SLC25A46: variants seen among roughly 807,000 people sequenced by gnomAD.
SLC25A46 encodes the protein mitochondrial outer membrane protein SLC25A46.
A neutral mutation model predicts 44.6 loss-of-function variants in SLC25A46; 39 were observed. That is an observed-to-expected ratio of 0.87 (90% CI 0.68 to 1.14). The LOEUF is 1.14. Ranked by LOEUF, SLC25A46 falls within the 50% of genes most tolerant of loss-of-function variation. SLC25A46 has a pLI of 0.00. For missense variants in SLC25A46, 547 were observed against 522.7 expected (o/e 1.05, Z -0.45); for synonymous variants, 202 against 185.8 (o/e 1.09, Z -0.71).
intron 4 of SLC25A46, among the ~76,000 whole-genome samples, chr5:110,747,416 A>G (rs1253594488): frequency 6.6e-6 from 1 of 152,196 alleles, no homozygotes; most frequent in African/African-American, 2.4e-5. Context: ...ATACTTGTAT[A>G]TGCATGGATT....
At chr5:110,747,284 A>T (rs528602196) in intron 4 of SLC25A46, among the ~76,000 whole-genome samples, 64 of 152,308 alleles carry the variant, frequency 4.2e-4, no homozygotes, top group African/African-American at 1.5e-3. Context: ...TTTAAAAATA[A>T]GAGGGTAGCT....
intron 2 of SLC25A46, 90 bp downstream of exon 2, chr5:110,742,179 T>C (rs2150408106): frequency 2.3e-6 from 2 of 875,178 alleles, no homozygotes; most frequent in Non-Finnish European, 3.4e-6. Flanking sequence ...TATTATTGCT[T>C]CCTTTAGGTT....
chr5:110,744,038 A>G (rs184073108), intron 3 of SLC25A46, among the ~76,000 whole-genome samples: 117 of 152,328 alleles, frequency 7.7e-4, no homozygotes, highest in African/African-American at 2.8e-3. Flanking sequence ...ATGCATCTAT[A>G]TAATTCATTA....
chr5:110,761,539 G>A lies in SLC25A46; in HGVS notation c.1014G>A (p.Leu338=). Residue 338 remains leucine, a synonymous_variant, in exon 8 of 8, where the codon TTG becomes TTA. Coordinates refer to ENST00000355943, the MANE Select transcript of SLC25A46 (RefSeq NM_138773.4). The surrounding 1 kb of genome is among the most constrained non-coding windows in gnomAD (Gnocchi z 5.3). ...TACTTTACCCATTGGAAACAGTTTT[G>A]CACCGCCTTCACATTCAAGGAACAC... The part of the protein sequence containing the change: ...DVILYPLETV[L]HRLHIQGTRT... 6.2e-7 allele frequency: 1 copy of A among 1,613,794 alleles called. No homozygotes were observed. Among genetic ancestry groups the A allele is most frequent in the Non-Finnish European group, 8.5e-7 (1 of 1,179,816 alleles).
rs1308099959 is a variant in SLC25A46, at chr5:110,763,138, A to G, written c.*1356A>G. The G allele has an allele frequency of 6.6e-6, 1 of 151,964 alleles. No homozygotes were observed. The highest frequency in any genetic ancestry group is 6.6e-5 in the Admixed American group (1 of 15,204). The allele number at this position is 151,964 out of a possible 1,614,324, so 9.4% of individuals were successfully genotyped here. On this transcript the variant is annotated 3_prime_UTR_variant, in exon 8 of 8. Coordinates refer to ENST00000355943, the MANE Select transcript of SLC25A46 (RefSeq NM_138773.4). ...TAGTAAAATGATATGTGTCTGCTCT[A>G]TCATTAGACATTTTAAAGTTTCATG... is the stretch of plus-strand genomic sequence containing the variant.
chr5:110,758,717 G>C (rs1016843101), intron 7 of SLC25A46, among the ~76,000 whole-genome samples: 2 of 151,936 alleles, frequency 1.3e-5, no homozygotes, highest in Non-Finnish European at 2.9e-5. Context: ...GGGAGGCAGA[G>C]GTTGCAGTGA....
In SLC25A46 at chr5:110,746,357, T is replaced by C. The variant is rs1799819656; in HGVS notation, c.462+11T>C. 3 of 1,557,946 alleles carry C rather than the reference T, an allele frequency of 1.9e-6. No individual in the cohort carries two copies. The highest frequency in any genetic ancestry group is 2.6e-6 in the Non-Finnish European group (3 of 1,150,832). ...TTCAACAAAACTCAGGTGAGAATTT[T>C]GTCTGGATTCTATTAAAGGTTTATA... On this transcript the variant is annotated intron_variant, in intron 4 of 7. Transcript: ENST00000355943.
chr5:110,748,954 CA>C (rs1799886927), intron 5 of SLC25A46, among the ~76,000 whole-genome samples: 1 of 151,856 alleles, frequency 6.6e-6, no homozygotes, highest in Admixed American at 6.6e-5. Context: ...AAGATATATT[CA>C]AATGGCAGTA....
At chr5:110,759,537 CAT>C (rs764853338) in intron 7 of SLC25A46, among the ~76,000 whole-genome samples, 3 of 152,092 alleles carry the variant, frequency 2.0e-5, no homozygotes, top group Non-Finnish European at 4.4e-5. Flanking sequence ...GGGACTGTGT[CAT>C]GTGTGTTGTA....
intron 2 of SLC25A46, among the ~76,000 whole-genome samples, chr5:110,742,579 T>C (rs2150408322): frequency 6.6e-6 from 1 of 152,242 alleles, no homozygotes; most frequent in Non-Finnish European, 1.5e-5. Flanking sequence ...CCGTAGATAT[T>C]AATATTGTGT....
intron 4 of SLC25A46, among the ~76,000 whole-genome samples, chr5:110,747,720 G>C (rs893249227): frequency 3.9e-5 from 6 of 152,032 alleles, no homozygotes; most frequent in African/African-American, 1.4e-4. Flanking sequence ...TGATTAGATA[G>C]GAAGAGTGAG....
chr5:110,746,620 A>C (rs1001464192), intron 4 of SLC25A46, among the ~76,000 whole-genome samples: 1 of 152,218 alleles, frequency 6.6e-6, no homozygotes, highest in African/African-American at 2.4e-5. Flanking sequence ...AAATCTTTGA[A>C]GATTGTGCTG....
chr5:110,753,465 G>A (rs1355796200), intron 5 of SLC25A46: 1 of 151,952 alleles, frequency 6.6e-6, no homozygotes, highest in Non-Finnish European at 1.5e-5. Flanking sequence ...TTTGAGAAAA[G>A]CAAGGTACTC....
intron 5 of SLC25A46, chr5:110,754,480 G>A (rs1438242914): frequency 7.4e-6 from 1 of 135,380 alleles, no homozygotes; most frequent in Admixed American, 7.4e-5. Flanking sequence ...TTTCACCTTT[G>A]GTTCTATTTC....
In SLC25A46 at chr5:110,763,145, G is replaced by A. The variant is rs1211315819; in HGVS notation, c.*1363G>A. 6.6e-6 allele frequency: 1 copy of A among 151,882 alleles called. No individual in the cohort carries two copies. The highest frequency in any genetic ancestry group is 2.4e-5 in the African/African-American group (1 of 41,382). 9.4% of individuals were successfully genotyped at this position (151,882 alleles called of 1,614,324 possible). A position where few individuals can be genotyped will look rare whatever the true frequency, so the allele number is the denominator to read the frequency against. On this transcript the variant is annotated 3_prime_UTR_variant, in exon 8 of 8. Coordinates refer to ENST00000355943, the MANE Select transcript of SLC25A46 (RefSeq NM_138773.4). ...ATGATATGTGTCTGCTCTATCATTA[G>A]ACATTTTAAAGTTTCATGTCTTCAC...
At chr5:110,745,320 C>G (rs1198406856) in intron 3 of SLC25A46, among the ~76,000 whole-genome samples, 1 of 151,954 alleles carries the variant, frequency 6.6e-6, no homozygotes, top group East Asian at 1.9e-4. Context: ...GTGGCATGAT[C>G]TCGGCTCACT....
In SLC25A46 at chr5:110,746,319, TA is replaced by T; in HGVS notation, c.436del (p.Ile146LeufsTer34). The T allele has an allele frequency of 6.3e-7, 1 of 1,591,944 alleles. No individual in the cohort carries two copies. Among genetic ancestry groups the T allele is most frequent in the East Asian group, 2.3e-5 (1 of 43,180 alleles). ...YHLTPFTVIN[I>X]MYSFNKTQGP... Reference sequence around the variant, plus strand: ...ATCTCACTCCATTTACAGTCATCAATATTATGTACAGTTTCAACAAAACTCA... The same window carrying T: ...ATCTCACTCCATTTACAGTCATCAATTTATGTACAGTTTCAACAAAACTCA... On this transcript the variant is annotated frameshift_variant, in exon 4 of 8. Coordinates refer to ENST00000355943, the MANE Select transcript of SLC25A46 (RefSeq NM_138773.4). LOFTEE classifies it high-confidence loss of function.
At chr5:110,750,792 G>C (rs1377292534) in intron 5 of SLC25A46, among the ~76,000 whole-genome samples, 1 of 152,074 alleles carries the variant, frequency 6.6e-6, no homozygotes, top group East Asian at 1.9e-4. Context: ...GACTATATTT[G>C]CAACCAGAAC....
In SLC25A46 at chr5:110,739,162, C is replaced by A; in HGVS notation, c.43C>A (p.Arg15=). 1 of 1,550,082 alleles carries A rather than the reference C, an allele frequency of 6.5e-7. No individual in the cohort carries two copies. Among genetic ancestry groups the A allele is most frequent in the Non-Finnish European group, 8.7e-7 (1 of 1,146,996 alleles). ...GGACGGATTTGATGGCTTGGGCTACCGGGGTGGTGCCCGGGACGAGCAGGG... is the reference window on the plus strand; with the variant it reads ...GGACGGATTTGATGGCTTGGGCTACAGGGGTGGTGCCCGGGACGAGCAGGG... ...RPDGFDGLGY[R]GGARDEQGFG... is the part of the protein sequence containing the mutation. Residue 15 remains arginine (R), a synonymous_variant, in exon 1 of 8, where the codon CGG becomes AGG. Coordinates refer to ENST00000355943, the MANE Select transcript of SLC25A46 (RefSeq NM_138773.4).
Sources: gnomAD v4.1 joint callset for allele counts (sites outside exome capture counted in the v4.1 genomes callset) on GRCh38, gnomAD v4.1.1 for gene constraint, Gnocchi (gnomAD v3.1) non-coding constraint, MANE v1.5 for transcripts, NCBI Gene and HGNC (gene_info 2026-07-23, HGNC 2026-07-21) for gene names.